Variants in SRPK1 observed in about 807,000 individuals in gnomAD.
SRPK1 encodes the protein SRSF protein kinase 1.
SRPK1 carries 52 observed loss-of-function variants against 89.5 expected under a neutral mutation model. The observed-to-expected ratio is 0.58, with a 90% CI of 0.46 to 0.73. The LOEUF is 0.73. SRPK1 is among the 30% of genes least tolerant of loss of function. The pLI is 0.00. For missense variants in SRPK1, 603 were observed against 780.6 expected (o/e 0.77, Z 2.71); for synonymous variants, 255 against 270.2 (o/e 0.94, Z 0.55).
chr6:35,866,426 A>C lies in SRPK1; in HGVS notation c.1512+2584T>G, dbSNP rs190199999. The stretch of plus-strand genomic sequence containing the variant: ...TGGTGAAACCCCGTCTCTACTAAAA[A>C]TACAAAAAATTAGCCGGCTGTGGCG... On this transcript the variant is annotated intron_variant, in intron 12 of 15. Coordinates refer to ENST00000373825, the MANE Select transcript of SRPK1 (RefSeq NM_003137.5). 1.7e-3 allele frequency among the ~76,000 whole-genome samples: 261 copies of C among 152,330 alleles called. 6 individuals carry two copies. In the South Asian group the frequency reaches 0.026, roughly 15 times the overall value.
intron 6 of SRPK1, among the ~76,000 whole-genome samples, chr6:35,876,511 G>T (rs534186264): frequency 6.6e-6 from 1 of 152,032 alleles, no homozygotes; most frequent in Non-Finnish European, 1.5e-5. Flanking sequence ...GTGTGGTGGC[G>T]TGTGCCTGTA....
chr6:35,915,898 G>C (rs1581603283), intron 2 of SRPK1, among the ~76,000 whole-genome samples: 1 of 151,052 alleles, frequency 6.6e-6, no homozygotes, highest in South Asian at 2.1e-4. Context: ...CTTGAACCCA[G>C]GAGGCGGAGG....
intron 12 of SRPK1, among the ~76,000 whole-genome samples, chr6:35,867,207 G>C (rs758066700): frequency 3.9e-5 from 6 of 152,072 alleles, no homozygotes; most frequent in Non-Finnish European, 8.8e-5. Context: ...AATAGTCTAC[G>C]GGGAGCAAGG....
At chr6:35,909,151 G>C (rs1217945789) in intron 2 of SRPK1, among the ~76,000 whole-genome samples, 2 of 152,222 alleles carry the variant, frequency 1.3e-5, no homozygotes, top group Admixed American at 1.3e-4. Flanking sequence ...CCAATAGCTT[G>C]CACCATGTAC....
intron 6 of SRPK1, among the ~76,000 whole-genome samples, chr6:35,885,027 A>T (rs2127255374): frequency 6.6e-6 from 1 of 152,244 alleles, no homozygotes; most frequent in East Asian, 1.9e-4. Flanking sequence ...AAGATATTTC[A>T]ATAGTTAAAA....
At chr6:35,886,124 C>G (rs769708686) in intron 6 of SRPK1, among the ~76,000 whole-genome samples, 1 of 149,432 alleles carries the variant, frequency 6.7e-6, no homozygotes, top group South Asian at 2.1e-4. Context: ...CTGTCCCCCA[C>G]GCTGGAGTGC....
intron 13 of SRPK1, among the ~76,000 whole-genome samples, chr6:35,845,023 A>C (rs995695301): frequency 2.6e-5 from 4 of 152,212 alleles, no homozygotes; most frequent in African/African-American, 9.6e-5. Flanking sequence ...CCTTAAATGC[A>C]TATTACTAAG....
chr6:35,887,413 T>C (rs1204621737), intron 5 of SRPK1, among the ~76,000 whole-genome samples: 1 of 152,088 alleles, frequency 6.6e-6, no homozygotes, highest in Non-Finnish European at 1.5e-5. Context: ...ATTCTCACTT[T>C]ATGAATAAAA....
At chr6:35,846,535 GAC>G (rs1769430121) in intron 13 of SRPK1, among the ~76,000 whole-genome samples, 2 of 142,900 alleles carry the variant, frequency 1.4e-5, no homozygotes, top group Non-Finnish European at 3.0e-5. Flanking sequence ...CGTCCTGCAT[GAC>G]AGAGTGAGAC....
intron 2 of SRPK1, among the ~76,000 whole-genome samples, chr6:35,906,335 A>G (rs1770847212): frequency 6.6e-6 from 1 of 152,010 alleles, no homozygotes; most frequent in African/African-American, 2.4e-5. Context: ...AGTGATTCTC[A>G]TGCCTCAGCC....
At position 35,920,543 on chromosome 6, in the gene SRPK1, G is replaced by C; in HGVS notation, c.14-15C>G. 6.2e-7 allele frequency: 1 copy of C among 1,612,414 alleles called. No individual in the cohort carries two copies. Among genetic ancestry groups the C allele is most frequent in the South Asian group, 1.1e-5 (1 of 91,072 alleles). ...GAGCGCAAGCACTGCAGGAGAGAGGGATGGATGAAGGGCGAATGTGGAGGA... is the reference window on the plus strand; with the variant it reads ...GAGCGCAAGCACTGCAGGAGAGAGGCATGGATGAAGGGCGAATGTGGAGGA... On this transcript the variant is annotated splice_polypyrimidine_tract_variant and intron_variant, in intron 1 of 15. Coordinates refer to ENST00000373825, the MANE Select transcript of SRPK1 (RefSeq NM_003137.5).
At chr6:35,915,973 AAAAC>A (rs1771082632) in intron 2 of SRPK1, among the ~76,000 whole-genome samples, 1 of 101,910 alleles carries the variant, frequency 9.8e-6, no homozygotes, top group African/African-American at 5.7e-5. Flanking sequence ...CTCTGTCTCA[AAAAC>A]AAAAAAAAAA....
chr6:35,902,361 T>C (rs1770762413), intron 2 of SRPK1, among the ~76,000 whole-genome samples: 1 of 151,814 alleles, frequency 6.6e-6, no homozygotes, highest in Non-Finnish European at 1.5e-5. Context: ...AGCTGTAAGC[T>C]ATGATCACGC....
chr6:35,920,313 A>G (rs997550271), intron 2 of SRPK1, 155 bp downstream of exon 2: 3 of 775,742 alleles, frequency 3.9e-6, no homozygotes, highest in South Asian at 1.4e-5. Flanking sequence ...TCTCTTCCAC[A>G]TGGTTGCTGG....
chr6:35,850,191 T>C (rs1451140470), intron 13 of SRPK1, among the ~76,000 whole-genome samples: 1 of 152,160 alleles, frequency 6.6e-6, no homozygotes, highest in Non-Finnish European at 1.5e-5. Flanking sequence ...TTACTAATCA[T>C]ATTTAATTGC....
At chr6:35,903,042 G>A (rs1017526248) in intron 2 of SRPK1, among the ~76,000 whole-genome samples, 3 of 151,880 alleles carry the variant, frequency 2.0e-5, no homozygotes, top group African/African-American at 7.3e-5. Flanking sequence ...ACTTTGGGAC[G>A]CCAAGGTGAG....
At chr6:35,837,879 T>A (rs1253830188) in intron 15 of SRPK1, among the ~76,000 whole-genome samples, 4 of 151,720 alleles carry the variant, frequency 2.6e-5, no homozygotes. Flanking sequence ...TTTTTTTTTT[T>A]TTTTGTGAGA....
chr6:35,895,451 G>C (rs1446271736), intron 2 of SRPK1, among the ~76,000 whole-genome samples: 1 of 151,960 alleles, frequency 6.6e-6, no homozygotes, highest in Non-Finnish European at 1.5e-5. Context: ...GTGTGTGTGT[G>C]TGTGTGTGTG....
At chr6:35,914,177 A>G (rs537578551) in intron 2 of SRPK1, among the ~76,000 whole-genome samples, 18 of 152,060 alleles carry the variant, frequency 1.2e-4, no homozygotes, top group African/African-American at 4.3e-4. Flanking sequence ...GGGTTTCTCC[A>G]TGTTGATCAG....
Sources: gnomAD v4.1 joint callset for allele counts (sites outside exome capture counted in the v4.1 genomes callset) on GRCh38, gnomAD v4.1.1 for gene constraint, MANE v1.5 for transcripts, NCBI Gene and HGNC (gene_info 2026-07-23, HGNC 2026-07-21) for gene names.